Variants in CEP112 observed in about 807,000 individuals in gnomAD.
The protein encoded by CEP112 is centrosomal protein 112.
Under a neutral mutation model 153.0 loss-of-function variants are expected in CEP112, and 127 were observed. That is an observed-to-expected ratio of 0.83 (90% CI 0.72 to 0.96). The LOEUF (loss-of-function observed/expected upper bound fraction) is 0.96, where lower values mean the gene tolerates loss of function less well. Among genes scored for constraint, CEP112 ranks in the 40% least tolerant of loss-of-function variants. The pLI is 0.00. For missense variants in CEP112, 1,089 were observed against 1,101.2 expected, an observed-to-expected ratio of 0.99 and a Z score of 0.16; for synonymous variants, 358 against 374.4, an observed-to-expected ratio of 0.96 and a Z score of 0.51.
chr17:65,853,540 C>T (rs1224105643), intron 20 of CEP112, among the ~76,000 whole-genome samples: 2 of 152,068 alleles, frequency 1.3e-5, no homozygotes, highest in Non-Finnish European at 2.9e-5. Context: ...ACCAGCCTGG[C>T]CAAGATGGTG....
intron 21 of CEP112, among the ~76,000 whole-genome samples, chr17:65,796,507 C>T (rs1004975306): frequency 1.4e-4 from 22 of 152,172 alleles, no homozygotes; most frequent in African/African-American, 3.9e-4. Context: ...ATTTCTTCTA[C>T]GTAGAAATCA....
intron 19 of CEP112, 61 bp from the exon 20 acceptor site, chr17:65,902,395 A>G: frequency 1.5e-6 from 2 of 1,349,562 alleles, no homozygotes; most frequent in Non-Finnish European, 2.0e-6. Context: ...ATGACAACTC[A>G]TGTACAGCTT....
chr17:65,718,820 G>C (rs1362316814), intron 23 of CEP112, among the ~76,000 whole-genome samples: 1 of 152,144 alleles, frequency 6.6e-6, no homozygotes, highest in South Asian at 2.1e-4. Flanking sequence ...CTTATCTTGG[G>C]GTTAAGCCTG....
intron 24 of CEP112, among the ~76,000 whole-genome samples, chr17:65,676,320 T>C (rs2047232441): frequency 7.1e-6 from 1 of 140,526 alleles, no homozygotes; most frequent in African/African-American, 2.7e-5. Context: ...AGAGTGAGAC[T>C]CTGTCTTAAA....
At chr17:65,663,907 G>A (rs915171120) in intron 24 of CEP112, among the ~76,000 whole-genome samples, 3 of 152,174 alleles carry the variant, frequency 2.0e-5, no homozygotes, top group Non-Finnish European at 4.4e-5. Flanking sequence ...TTAGCCAGGC[G>A]TGGTGGCGTG....
chr17:66,175,606 G>A (rs117584944), intron 3 of CEP112, among the ~76,000 whole-genome samples: 5,190 of 152,280 alleles, frequency 0.034, 131 homozygotes, highest in Middle Eastern at 0.062. Flanking sequence ...TCAGTGGGAT[G>A]AGAAACACAA....
intron 22 of CEP112, 85 bp downstream of exon 22, chr17:65,750,577 T>C: frequency 8.9e-7 from 1 of 1,123,652 alleles, no homozygotes; most frequent in Non-Finnish European, 1.3e-6. Flanking sequence ...GAATGAAGTT[T>C]AACTTGAAAG....
In CEP112 at chr17:65,752,037, TCCA is replaced by T. The variant is rs1567962234; in HGVS notation, c.2395-1316_2395-1314del. Among the ~76,000 whole-genome samples, 667 of 151,892 alleles carry T rather than the reference TCCA, an allele frequency of 4.4e-3. 7 individuals carry two copies. Among genetic ancestry groups the T allele is most frequent in the African/African-American group, 0.015 (608 of 41,422 alleles). Reference sequence around the variant, plus strand: ...TTTCATCCATCCATCCATCCATCCATCCATCCATCCATCCATCCATCCATCCAT... The same window carrying T: ...TTTCATCCATCCATCCATCCATCCATTCCATCCATCCATCCATCCATCCAT... On this transcript the variant is annotated intron_variant, in intron 21 of 26. Coordinates refer to ENST00000535342, the MANE Select transcript of CEP112 (RefSeq NM_001199165.4).
At chr17:66,048,858 C>T (rs1194193751) in intron 12 of CEP112, among the ~76,000 whole-genome samples, 2 of 152,138 alleles carry the variant, frequency 1.3e-5, no homozygotes, top group African/African-American at 4.8e-5. Flanking sequence ...ATTCGCCCAC[C>T]TCGGCCTCCC....
chr17:66,000,676 T>G (rs1402873709), intron 17 of CEP112, among the ~76,000 whole-genome samples: 1 of 152,006 alleles, frequency 6.6e-6, no homozygotes, highest in East Asian at 1.9e-4. Context: ...TGCATGATAT[T>G]TGGAGCATCT....
intron 2 of CEP112, among the ~76,000 whole-genome samples, chr17:66,182,987 A>G (rs1474229111): frequency 6.6e-6 from 1 of 152,204 alleles, no homozygotes; most frequent in African/African-American, 2.4e-5. Context: ...AGGCATCACA[A>G]TAAGATCTTT....
At position 65,748,716 on chromosome 17, in the gene CEP112, C is replaced by G. The variant is rs140606163; in HGVS notation, c.2457+1946G>C. On this transcript the variant is annotated intron_variant, in intron 22 of 26. Transcript: ENST00000535342. ...ATTGAATTCCAAAGAGGGCGGGTAA[C>G]TTGCTCAAGGTCACGGAAGTGGTAG... Among the ~76,000 whole-genome samples, 1,280 of 152,304 alleles carry G rather than the reference C, an allele frequency of 8.4e-3. 13 individuals carry two copies. Among genetic ancestry groups the G allele is most frequent in the South Asian group, 0.02 (96 of 4,818 alleles).
At chr17:65,806,279 G>A (rs942330079) in intron 21 of CEP112, among the ~76,000 whole-genome samples, 2 of 152,196 alleles carry the variant, frequency 1.3e-5, no homozygotes, top group African/African-American at 4.8e-5. Flanking sequence ...GAGAAGTAGT[G>A]TAGAGAAAAA....
chr17:65,937,567 G>A (rs1599075103), intron 18 of CEP112, among the ~76,000 whole-genome samples: 22 of 48,206 alleles, frequency 4.6e-4, no homozygotes, highest in East Asian at 4.8e-3. Flanking sequence ...GGAGGGAGGT[G>A]GGGGGGGTCA....
chr17:66,115,806 T>C (rs1242927799), intron 6 of CEP112, among the ~76,000 whole-genome samples: 1 of 152,210 alleles, frequency 6.6e-6, no homozygotes, highest in Non-Finnish European at 1.5e-5. Context: ...AAAGCCTTCT[T>C]CCTTGGCAAT....
At chr17:65,724,243 G>A (rs1353149447) in intron 23 of CEP112, among the ~76,000 whole-genome samples, 6 of 152,140 alleles carry the variant, frequency 3.9e-5, no homozygotes, top group African/African-American at 1.4e-4. Context: ...GTCTTTTTGG[G>A]TGGCAGGACA....
chr17:65,895,046 G>A (rs1222958336), intron 20 of CEP112, among the ~76,000 whole-genome samples: 1 of 151,950 alleles, frequency 6.6e-6, no homozygotes, highest in Admixed American at 6.6e-5. Flanking sequence ...GCAATATAAT[G>A]GATTTATGCA....
At chr17:65,836,406 C>T (rs1410004437) in intron 21 of CEP112, among the ~76,000 whole-genome samples, 1 of 152,078 alleles carries the variant, frequency 6.6e-6, no homozygotes, top group Admixed American at 6.5e-5. Context: ...ACTCACTTCA[C>T]CTATAAAGAC....
intron 24 of CEP112, among the ~76,000 whole-genome samples, chr17:65,686,841 A>G (rs757887920): frequency 8.8e-5 from 13 of 147,230 alleles, no homozygotes; most frequent in Non-Finnish European, 1.8e-4. Flanking sequence ...TGATAAGTTT[A>G]CTTTCTCTAT....
Sources: allele counts gnomAD v4.1 joint callset (sites outside exome capture counted in the v4.1 genomes callset), GRCh38; gene constraint gnomAD v4.1.1; transcripts MANE v1.5; gene names NCBI Gene and HGNC (gene_info 2026-07-23, HGNC 2026-07-21).